PCED1B: variants seen among roughly 807,000 people sequenced by gnomAD.
PCED1B encodes the protein PC-esterase domain containing 1B.
For synonymous variants in PCED1B, 251 were observed against 246.1 expected, an observed-to-expected ratio of 1.02 and a Z score of -0.19; for missense variants, 573 against 573.9, an observed-to-expected ratio of 1.00 and a Z score of 0.02.
intron 2 of PCED1B, among the ~76,000 whole-genome samples, chr12:47,152,678 C>CCTTTGGGAGG (rs1183057917): frequency 6.6e-6 from 1 of 152,214 alleles, no homozygotes; most frequent in East Asian, 1.9e-4. Flanking sequence ...GGCCTATAAT[C>CCTTTGGGAGG]CCAGCACTTT....
At chr12:47,179,103 GT>G (rs1169434976) in intron 2 of PCED1B, among the ~76,000 whole-genome samples, 13 of 152,086 alleles carry the variant, frequency 8.5e-5, no homozygotes, top group African/African-American at 3.1e-4. Flanking sequence ...AATTTGCTTT[GT>G]AAAAAGCCCA....
At chr12:47,231,418 TGGA>T (rs1943804606) in intron 3 of PCED1B, among the ~76,000 whole-genome samples, 5 of 151,620 alleles carry the variant, frequency 3.3e-5, no homozygotes, top group Non-Finnish European at 7.4e-5. Context: ...CTAAAGCTAG[TGGA>T]GGATAAGGGT....
In PCED1B at chr12:47,157,444, G is replaced by A. The variant is rs114139532; in HGVS notation, c.-526+53249G>A. Reference sequence around the variant, plus strand: ...TCTCTGTAAGAAACTTTAAAAATTGGCCAGGCATGGTTGTGTGTGCCTGCA... The same window carrying A: ...TCTCTGTAAGAAACTTTAAAAATTGACCAGGCATGGTTGTGTGTGCCTGCA... On this transcript the variant is annotated intron_variant, in intron 2 of 3. Coordinates refer to ENST00000546455, the MANE Select transcript of PCED1B (RefSeq NM_138371.3). 7.7e-3 allele frequency among the ~76,000 whole-genome samples: 1,166 copies of A among 152,042 alleles called. 15 individuals are homozygous for A. Among genetic ancestry groups the A allele is most frequent in the African/African-American group, 0.027 (1,117 of 41,430 alleles).
chr12:47,190,106 C>A (rs1942396489), intron 2 of PCED1B, among the ~76,000 whole-genome samples: 1 of 152,176 alleles, frequency 6.6e-6, no homozygotes, highest in African/African-American at 2.4e-5. Context: ...TGTTAATACT[C>A]TATTTGCATA....
intron 1 of PCED1B, among the ~76,000 whole-genome samples, chr12:47,091,825 AC>A (rs1297858792): frequency 1.3e-5 from 2 of 152,080 alleles, no homozygotes; most frequent in African/African-American, 4.8e-5. Flanking sequence ...TTGCAGGATC[AC>A]CTTTATCATA....
intron 2 of PCED1B, among the ~76,000 whole-genome samples, chr12:47,150,738 G>A (rs1306147102): frequency 6.6e-6 from 1 of 152,078 alleles, no homozygotes; most frequent in Non-Finnish European, 1.5e-5. Context: ...GTGTTGAGCA[G>A]CGAGGAGCTT....
intron 2 of PCED1B, among the ~76,000 whole-genome samples, chr12:47,126,366 A>C (rs192255824): frequency 3.3e-5 from 5 of 152,254 alleles, no homozygotes; most frequent in Admixed American, 2.0e-4. Context: ...CCCACTTGTT[A>C]TGAACTATTA....
At chr12:47,224,220 C>G (rs557484240) in intron 3 of PCED1B, among the ~76,000 whole-genome samples, 1 of 152,106 alleles carries the variant, frequency 6.6e-6, no homozygotes, top group Non-Finnish European at 1.5e-5. Context: ...GGCTGTAAAA[C>G]AAAAGTTTAA....
At chr12:47,195,054 G>A (rs565951066) in intron 2 of PCED1B, among the ~76,000 whole-genome samples, 142 of 152,126 alleles carry the variant, frequency 9.3e-4, no homozygotes, top group Admixed American at 2.2e-3. Flanking sequence ...AAAGTAGGCC[G>A]GGCGCGGTGG....
rs182108923 is a variant in PCED1B at position 47,201,830 on chromosome 12, G to C, written c.-525-14392G>C. Among the ~76,000 whole-genome samples the C allele has an allele frequency of 3.9e-5, 6 of 152,104 alleles. No individual in the cohort carries two copies. The East Asian group carries it at 1.2e-3, about 29-fold the overall frequency. ...GCCCAGGCTGGTCTTGAACTCCTGA[G>C]CTCAAGTGTTCTGCCCACCTCGGCC... On this transcript the variant is annotated intron_variant, in intron 2 of 3. Transcript: ENST00000546455.
At chr12:47,151,750 A>G (rs574812650) in intron 2 of PCED1B, among the ~76,000 whole-genome samples, 1 of 152,340 alleles carries the variant, frequency 6.6e-6, no homozygotes, top group East Asian at 1.9e-4. Context: ...ATAGAGAGAA[A>G]GAATTCTTTC....
intron 2 of PCED1B, among the ~76,000 whole-genome samples, chr12:47,117,688 T>C (rs4423268): frequency 0.11 from 16,851 of 152,120 alleles, 1,783 homozygotes; most frequent in African/African-American, 0.28. Flanking sequence ...AGCAGCATGA[T>C]TTATAATCCT....
Position 47,236,236 on chromosome 12 carries a change from GC to G in PCED1B, c.1175del (p.Pro392LeufsTer45). On this transcript the variant is annotated frameshift_variant, in exon 4 of 4. Transcript: ENST00000546455. LOFTEE classifies it low-confidence loss of function (END_TRUNC). ...PFFPTPRYQR[P>X]APVVHRGFGR... ...TCTTCCCCACACCCCGTTATCAGCG[GC>G]CTGCCCCAGTGGTACATAGGGGTTT... is the stretch of plus-strand genomic sequence containing the variant. 6.2e-7 allele frequency: 1 copy of G among 1,614,096 alleles called. No homozygotes were observed. The highest frequency in any genetic ancestry group is 2.2e-5 in the East Asian group (1 of 44,866).
At chr12:47,184,445 T>C (rs1264333817) in intron 2 of PCED1B, among the ~76,000 whole-genome samples, 1 of 152,192 alleles carries the variant, frequency 6.6e-6, no homozygotes, top group East Asian at 1.9e-4. Flanking sequence ...TTTAACCATC[T>C]GCTCTCGGTA....
At chr12:47,146,169 A>C (rs553723335) in intron 2 of PCED1B, among the ~76,000 whole-genome samples, 2 of 152,188 alleles carry the variant, frequency 1.3e-5, no homozygotes, top group African/African-American at 4.8e-5. Context: ...GCAAATAGCA[A>C]TGCAACTAGA....
chr12:47,131,913 C>T (rs988806982), intron 2 of PCED1B, among the ~76,000 whole-genome samples: 4 of 152,046 alleles, frequency 2.6e-5, no homozygotes, highest in African/African-American at 9.7e-5. Context: ...GTGATCCGCC[C>T]ACCTCCACCT....
At chr12:47,101,650 TA>T (rs752733691) in intron 1 of PCED1B, among the ~76,000 whole-genome samples, 27 of 152,116 alleles carry the variant, frequency 1.8e-4, no homozygotes, top group Admixed American at 9.2e-4. Flanking sequence ...AAAACTGAAT[TA>T]AAAGGAAGAT....
In PCED1B at chr12:47,188,173, G is replaced by A. The variant is rs545258118; in HGVS notation, c.-525-28049G>A. On this transcript the variant is annotated intron_variant, in intron 2 of 3. Transcript: ENST00000546455. Reference sequence around the variant, plus strand: ...CCCCTTACTAAGGACTTTGGGGACAGTGATCTTGCCTTAGTTGTCTTTGGG... The same window carrying A: ...CCCCTTACTAAGGACTTTGGGGACAATGATCTTGCCTTAGTTGTCTTTGGG... Among the ~76,000 whole-genome samples the A allele has an allele frequency of 1.9e-3, 294 of 152,290 alleles. 2 individuals carry two copies. Among genetic ancestry groups the A allele is most frequent in the Non-Finnish European group, 3.4e-3 (232 of 68,030 alleles).
Position 47,145,833 on chromosome 12 carries a change from G to A in PCED1B, c.-526+41638G>A, listed in dbSNP as rs182445238. ...GATGGAGATGTGCAAGGAGATAAAT[G>A]TTGTTTCATGCCTGCTAATACAACA... On this transcript the variant is annotated intron_variant, in intron 2 of 3. Coordinates refer to ENST00000546455, the MANE Select transcript of PCED1B (RefSeq NM_138371.3). 6.4e-3 allele frequency among the ~76,000 whole-genome samples: 976 copies of A among 151,974 alleles called. 7 individuals carry two copies. The highest frequency in any genetic ancestry group is 0.011 in the Non-Finnish European group (758 of 68,018).
Sources: gnomAD v4.1 joint callset for allele counts (sites outside exome capture counted in the v4.1 genomes callset) on GRCh38, gnomAD v4.1.1 for gene constraint, MANE v1.5 for transcripts, NCBI Gene and HGNC (gene_info 2026-07-23, HGNC 2026-07-21) for gene names.